LRP1B: variants seen among roughly 807,000 people sequenced by gnomAD.
LRP1B encodes LDL receptor related protein 1B.
LRP1B carries 217 observed loss-of-function variants against 556.6 expected under a neutral mutation model. The ratio of observed to expected loss-of-function variants is 0.39; its 90% CI spans 0.35 to 0.44. The LOEUF (loss-of-function observed/expected upper bound fraction) is 0.44, where lower values mean the gene tolerates loss of function less well. Among genes scored for constraint, LRP1B ranks in the 20% least tolerant of loss-of-function variants. The pLI is 1.00. For missense variants in LRP1B, 5,053 were observed against 5,620.8 expected (o/e 0.90, Z 3.23); for synonymous variants, 2,047 against 1,865.8 (o/e 1.10, Z -2.50).
At chr2:141,453,591 C>T (rs1681506092) in intron 3 of LRP1B, among the ~76,000 whole-genome samples, 1 of 152,138 alleles carries the variant, frequency 6.6e-6, no homozygotes, top group Non-Finnish European at 1.5e-5. Flanking sequence ...TATGAAAATG[C>T]TTCCATAATT....
intron 1 of LRP1B, among the ~76,000 whole-genome samples, chr2:142,116,302 A>G (rs1243944270): frequency 6.6e-6 from 1 of 151,830 alleles, no homozygotes; most frequent in East Asian, 1.9e-4. Context: ...CCAAGGGTAT[A>G]CTGAGTAGGG....
intron 3 of LRP1B, among the ~76,000 whole-genome samples, chr2:141,467,102 G>GTATATATATATA (rs1384566758): frequency 2.4e-5 from 2 of 84,388 alleles, no homozygotes; most frequent in African/African-American, 5.9e-5. Context: ...ATATATATGT[G>GTATATATATATA]TATATATATA....
intron 49 of LRP1B, 145 bp downstream of exon 49, chr2:140,525,699 G>T (rs192968627): frequency 7.4e-5 from 50 of 674,546 alleles, no homozygotes; most frequent in East Asian, 7.2e-4. Context: ...TTTAGAACAG[G>T]TTAATTACAT....
rs181468869 is a variant in LRP1B, at chr2:141,966,583, T to G, written c.83-156182A>C. Among the ~76,000 whole-genome samples the G allele has an allele frequency of 5.3e-4, 81 of 151,708 alleles. 1 individual carries two copies. The highest frequency in any genetic ancestry group is 1.9e-3 in the African/African-American group (78 of 41,448). On this transcript the variant is annotated intron_variant, in intron 1 of 90. Transcript: ENST00000389484. ...TGAAAAATACTCAACATAAGATTTTTTTTTCAATTGATGACTCATCTATAA... is the reference window on the plus strand; with the variant it reads ...TGAAAAATACTCAACATAAGATTTTGTTTTCAATTGATGACTCATCTATAA...
intron 31 of LRP1B, among the ~76,000 whole-genome samples, chr2:140,825,303 T>C (rs1691464171): frequency 6.6e-6 from 1 of 152,144 alleles, no homozygotes. Context: ...AGAAGGGAAA[T>C]ACAGCTGGAG....
intron 3 of LRP1B, among the ~76,000 whole-genome samples, chr2:141,450,878 T>G (rs1458475372): frequency 6.6e-6 from 1 of 152,134 alleles, no homozygotes; most frequent in Non-Finnish European, 1.5e-5. Context: ...CAGTGACAAT[T>G]ATGCCCTAGG....
chr2:141,533,312 G>A (rs1025903312), intron 2 of LRP1B, among the ~76,000 whole-genome samples: 24 of 147,558 alleles, frequency 1.6e-4, no homozygotes, highest in African/African-American at 3.9e-4. Flanking sequence ...TAATTAGTGC[G>A]TGAAAGACAA....
intron 11 of LRP1B, among the ~76,000 whole-genome samples, chr2:141,028,726 A>T (rs1275905270): frequency 6.6e-6 from 1 of 152,122 alleles, no homozygotes; most frequent in Non-Finnish European, 1.5e-5. Context: ...ACTGTTTTTA[A>T]AGTAATGACA....
At chr2:141,687,864 C>T (rs1053253897) in intron 2 of LRP1B, among the ~76,000 whole-genome samples, 2 of 151,688 alleles carry the variant, frequency 1.3e-5, no homozygotes, top group Non-Finnish European at 2.9e-5. Context: ...AGAATTAAAG[C>T]ATAGTTAGTA....
intron 67 of LRP1B, among the ~76,000 whole-genome samples, chr2:140,379,424 G>A (rs1441691243): frequency 2.0e-5 from 3 of 152,108 alleles, no homozygotes; most frequent in Admixed American, 2.0e-4. Flanking sequence ...GGCAAGGCAC[G>A]GTGGCTCACG....
In LRP1B at chr2:140,246,975, C is replaced by G. The variant is rs529876851; in HGVS notation, c.13324+111G>C. ...AAAACACCTCAATTGCAGTGGATCT[C>G]TTATAAAATTCCATGAAGAAAGTGT... On this transcript the variant is annotated intron_variant, in intron 87 of 90. Coordinates refer to ENST00000389484, the MANE Select transcript of LRP1B (RefSeq NM_018557.3). 4.1e-5 allele frequency: 30 copies of G among 726,590 alleles called. No individual in the cohort carries two copies. The South Asian group carries it at 4.8e-4, about 12-fold the overall frequency. The allele number at this position is 726,590 out of a possible 1,614,324, so 45.0% of individuals were successfully genotyped here.
At chr2:142,112,847 T>C (rs561611699) in intron 1 of LRP1B, among the ~76,000 whole-genome samples, 1 of 152,246 alleles carries the variant, frequency 6.6e-6, no homozygotes, top group African/African-American at 2.4e-5. Flanking sequence ...TGCTAGCCAA[T>C]GGGTGTATTA....
chr2:140,250,976 CTTAT>C (rs553703704), intron 86 of LRP1B, among the ~76,000 whole-genome samples: 105 of 151,738 alleles, frequency 6.9e-4, no homozygotes, highest in African/African-American at 2.5e-3. Flanking sequence ...CTGGAGTATG[CTTAT>C]TTATTTATTT....
chr2:141,972,058 T>C (rs553885066), intron 1 of LRP1B, among the ~76,000 whole-genome samples: 1 of 151,728 alleles, frequency 6.6e-6, no homozygotes, highest in Admixed American at 6.6e-5. Flanking sequence ...TCCTCATGTT[T>C]TGAATGCTGG....
chr2:141,326,460 G>A (rs1241395262), intron 3 of LRP1B, among the ~76,000 whole-genome samples: 2 of 152,100 alleles, frequency 1.3e-5, no homozygotes, highest in Non-Finnish European at 2.9e-5. Context: ...GAAATGATTA[G>A]GATGGACAGA....
chr2:142,107,794 ATTTTTTTTTTTT>A (rs67962280), intron 1 of LRP1B, among the ~76,000 whole-genome samples: 1 of 110,590 alleles, frequency 9.0e-6, no homozygotes, highest in Non-Finnish European at 1.8e-5. Context: ...CGCCTAGCTA[ATTTTTTTTTTTT>A]TTTTTTTTTT....
chr2:141,732,613 A>T (rs1337669867), intron 2 of LRP1B, among the ~76,000 whole-genome samples: 1 of 152,162 alleles, frequency 6.6e-6, no homozygotes, highest in East Asian at 1.9e-4. Flanking sequence ...GATCCGCAGA[A>T]ATATCAGTAA....
chr2:140,307,641 G>A (rs1054536844), intron 83 of LRP1B, among the ~76,000 whole-genome samples: 1 of 151,886 alleles, frequency 6.6e-6, no homozygotes, highest in South Asian at 2.1e-4. Flanking sequence ...CATTAAAGGA[G>A]CATTAAATTT....
chr2:140,433,545 AG>A (rs1686044778), intron 66 of LRP1B, among the ~76,000 whole-genome samples: 3 of 152,242 alleles, frequency 2.0e-5, no homozygotes, highest in Admixed American at 6.5e-5. Flanking sequence ...CCACTTCTAA[AG>A]AATTGATTTT....
Sources: allele counts gnomAD v4.1 joint callset (sites outside exome capture counted in the v4.1 genomes callset), GRCh38; gene constraint gnomAD v4.1.1; transcripts MANE v1.5; gene names NCBI Gene and HGNC (gene_info 2026-07-23, HGNC 2026-07-21).